The following EPAS1 variants were observed in gnomAD, a reference collection of about 807,000 sequenced individuals.
EPAS1 encodes endothelial PAS domain-containing protein 1.
EPAS1 carries 23 observed loss-of-function variants against 87.9 expected under a neutral mutation model. That is an observed-to-expected ratio of 0.26 (90% CI 0.19 to 0.37). The LOEUF is 0.37. Ranked by LOEUF, EPAS1 falls within the 10% of genes least tolerant of loss-of-function variation. The pLI is 1.00. For missense variants in EPAS1, 1,138 were observed against 1,120.7 expected (o/e 1.02, Z -0.22); for synonymous variants, 508 against 444.3 (o/e 1.14, Z -1.80).
intron 9 of EPAS1, 134 bp downstream of exon 9, chr2:46,376,887 C>A: frequency 1.1e-6 from 1 of 899,538 alleles, no homozygotes; most frequent in Non-Finnish European, 1.7e-6. Context: ...TTGTTAATCA[C>A]CTGTTAGAGG....
chr2:46,298,104 CGCGGATCAGCA>C (rs1415440195), intron 1 of EPAS1, among the ~76,000 whole-genome samples, 167 bp downstream of exon 1: 9 of 151,990 alleles, frequency 5.9e-5, no homozygotes, highest in African/African-American at 2.2e-4. Flanking sequence ...GGTTTGGGGG[CGCGGATCAGCA>C]GCTTTGCAGT....
At chr2:46,340,453 G>T (rs1251476115) in intron 1 of EPAS1, among the ~76,000 whole-genome samples, 1 of 152,108 alleles carries the variant, frequency 6.6e-6, no homozygotes, top group East Asian at 1.9e-4. Context: ...TCAGGGAAGT[G>T]GCAAGTGAAA....
chr2:46,298,080 G>C, intron 1 of EPAS1, 143 bp downstream of exon 1: 1 of 1,042,964 alleles, frequency 9.6e-7, no homozygotes, highest in African/African-American at 1.6e-5. Context: ...CTGTGAGGGG[G>C]AGAGCATGTG....
Position 46,300,278 on chromosome 2 carries a change from T to A in EPAS1, c.26+2341T>A, listed in dbSNP as rs1558579353. 6.6e-6 allele frequency among the ~76,000 whole-genome samples: 1 copy of A among 152,220 alleles called. No individual in the cohort carries two copies. Among genetic ancestry groups the A allele is most frequent in the Non-Finnish European group, 1.5e-5 (1 of 68,036 alleles). ...AAGGGCGATGTGACAGTGAGGGGGCTCTCTGCTGATGATTCTGCCCACTAG... is the reference window on the plus strand; with the variant it reads ...AAGGGCGATGTGACAGTGAGGGGGCACTCTGCTGATGATTCTGCCCACTAG... On this transcript the variant is annotated intron_variant, in intron 1 of 15. Transcript: ENST00000263734. This position sits in a 1 kb window ranked among gnomAD's most constrained non-coding sequence, Gnocchi z 4.1.
Position 46,346,919 on chromosome 2 carries a change from T to C in EPAS1, c.73T>C (p.Cys25Arg). 6.2e-7 allele frequency: 1 copy of C among 1,614,170 alleles called. No individual in the cohort carries two copies. The highest frequency in any genetic ancestry group is 8.5e-7 in the Non-Finnish European group (1 of 1,180,036). ...RKEKSRDAAR[C>R]RRSKETEVFY... ...GGAGAAGTCCCGGGATGCTGCGCGGTGCCGGCGGAGCAAGGAGACGGAGGT... is the reference window on the plus strand; with the variant it reads ...GGAGAAGTCCCGGGATGCTGCGCGGCGCCGGCGGAGCAAGGAGACGGAGGT... Residue 25 changes from cysteine (C) to arginine (R), a missense_variant, in exon 2 of 16, where the codon TGC becomes CGC. Around this residue, in one of 4 missense-constraint regions of EPAS1, gnomAD observed 351 missense variants for 417.1 expected, o/e 0.84. Transcript: ENST00000263734. This position sits in a 1 kb window ranked among gnomAD's most constrained non-coding sequence, Gnocchi z 4.0.
rs753697563 is a variant in EPAS1 at position 46,360,763 on chromosome 2, C to A, written c.573+7C>A. 5.0e-6 allele frequency: 8 copies of A among 1,613,696 alleles called. No individual in the cohort carries two copies. The highest frequency in any genetic ancestry group is 6.8e-6 in the Non-Finnish European group (8 of 1,179,780). On this transcript the variant is annotated splice_region_variant and intron_variant, in intron 5 of 15. Coordinates refer to ENST00000263734, the MANE Select transcript of EPAS1 (RefSeq NM_001430.5). This position sits in a 1 kb window ranked among gnomAD's most constrained non-coding sequence, Gnocchi z 4.5. ...CAAGTCAGCCACCTGGAAGGTAGGGCAACATCAGGCCTGGGTTGGAGTCCC... is the reference window on the plus strand; with the variant it reads ...CAAGTCAGCCACCTGGAAGGTAGGGAAACATCAGGCCTGGGTTGGAGTCCC...
Position 46,300,243 on chromosome 2 carries a change from A to C in EPAS1, c.26+2306A>C, listed in dbSNP as rs1682970503. ...GTAAGTGACTGCTGTAGCTTTTCTG[A>C]GTGCCTCACAAGGGCGATGTGACAG... On this transcript the variant is annotated intron_variant, in intron 1 of 15. Coordinates refer to ENST00000263734, the MANE Select transcript of EPAS1 (RefSeq NM_001430.5). The surrounding 1 kb of genome is among the most constrained non-coding windows in gnomAD (Gnocchi z 4.1). Among the ~76,000 whole-genome samples, 1 of 152,208 alleles carries C rather than the reference A, an allele frequency of 6.6e-6. No individual in the cohort carries two copies. Among genetic ancestry groups the C allele is most frequent in the African/African-American group, 2.4e-5 (1 of 41,442 alleles).
chr2:46,308,460 T>TTTGG (rs541300033), intron 1 of EPAS1, among the ~76,000 whole-genome samples: 1 of 109,228 alleles, frequency 9.2e-6, no homozygotes, highest in African/African-American at 3.1e-5. Context: ...TGCTTTTTTT[T>TTTGG]GGGGGGGGGG....
At chr2:46,361,136 C>T (rs1297039784) in intron 6 of EPAS1, 46 bp downstream of exon 6, 2 of 1,593,554 alleles carry the variant, frequency 1.3e-6, no homozygotes, top group African/African-American at 1.3e-5. Flanking sequence ...ATGGGTCTTA[C>T]CTGTGTGTGT....
chr2:46,382,851 A>T (rs1014881674), intron 15 of EPAS1, among the ~76,000 whole-genome samples: 4 of 152,174 alleles, frequency 2.6e-5, no homozygotes, highest in African/African-American at 9.7e-5. Flanking sequence ...TAGAATACTG[A>T]AGGAAAGAAT....
chr2:46,355,071 A>G (rs1192075961), intron 2 of EPAS1, among the ~76,000 whole-genome samples: 2 of 152,016 alleles, frequency 1.3e-5, no homozygotes, highest in East Asian at 1.9e-4. Flanking sequence ...AGCTCTTCCC[A>G]TCTACACTTT....
At chr2:46,372,387 C>G (rs1558607355) in intron 7 of EPAS1, among the ~76,000 whole-genome samples, 1 of 152,202 alleles carries the variant, frequency 6.6e-6, no homozygotes, top group Non-Finnish European at 1.5e-5. Context: ...TAACTGGAGG[C>G]TCAGGTTTGA....
intron 1 of EPAS1, among the ~76,000 whole-genome samples, chr2:46,344,236 T>G (rs752250024): frequency 6.6e-6 from 1 of 152,234 alleles, no homozygotes; most frequent in African/African-American, 2.4e-5. Flanking sequence ...TGTCAGAGCA[T>G]TGACTCCAGA....
At position 46,377,964 on chromosome 2, in the gene EPAS1, G is replaced by A. The variant is rs7597411; in HGVS notation, c.1320G>A (p.Thr440=). ...AILPPSQPWA[T]ELRSHSTQSE... is the part of the protein sequence containing the mutation. The stretch of plus-strand genomic sequence containing the variant: ...TGCCCCCGAGCCAGCCATGGGCCAC[G>A]GAGTTGAGGAGCCACAGCACCCAGA... The change falls in exon 10 of 16, where the codon ACG becomes ACA. Residue 440 remains threonine, a synonymous_variant. Transcript: ENST00000263734. 20 of 1,566,570 alleles carry A rather than the reference G, an allele frequency of 1.3e-5. No homozygotes were observed. In the African/African-American group the frequency reaches 1.9e-4, roughly 15 times the overall value.
chr2:46,306,298 T>C (rs575498172), intron 1 of EPAS1, among the ~76,000 whole-genome samples: 1 of 152,238 alleles, frequency 6.6e-6, no homozygotes, highest in East Asian at 1.9e-4. Flanking sequence ...CTGCCTCTGG[T>C]TAGGGGGCAG....
In EPAS1 at chr2:46,347,308, C is replaced by T. The variant is rs200229020; in HGVS notation, c.217+245C>T. Reference sequence around the variant, plus strand: ...AGGACCAGGGAAGAACATGGGCACCCAGAGGCTGTGGAGAACACGGGCTGG... The same window carrying T: ...AGGACCAGGGAAGAACATGGGCACCTAGAGGCTGTGGAGAACACGGGCTGG... On this transcript the variant is annotated intron_variant, in intron 2 of 15. Coordinates refer to ENST00000263734, the MANE Select transcript of EPAS1 (RefSeq NM_001430.5). The surrounding 1 kb of genome is among the most constrained non-coding windows in gnomAD (Gnocchi z 4.2). The T allele has an allele frequency of 1.7e-6, 1 of 578,042 alleles. No individual in the cohort carries two copies. Among genetic ancestry groups the T allele is most frequent in the East Asian group, 3.0e-5 (1 of 33,582 alleles). The allele number at this position is 578,042 out of a possible 1,614,324, so 35.8% of individuals were successfully genotyped here.
At position 46,300,084 on chromosome 2, in the gene EPAS1, A is replaced by G. The variant is rs576772883; in HGVS notation, c.26+2147A>G. Among the ~76,000 whole-genome samples, 9 of 150,046 alleles carry G rather than the reference A, an allele frequency of 6.0e-5. No individual in the cohort carries two copies. In the South Asian group the frequency reaches 1.5e-3, roughly 24 times the overall value. On this transcript the variant is annotated intron_variant, in intron 1 of 15. Transcript: ENST00000263734. The surrounding 1 kb of genome is among the most constrained non-coding windows in gnomAD (Gnocchi z 4.1). ...CTAGAGCCCCTTAAGGGGTTGTCCA[A>G]TTCCTATTGGGCTAATCAGTTTGAG... is the stretch of plus-strand genomic sequence containing the variant.
chr2:46,374,104 G>C (rs1260396690), intron 7 of EPAS1, among the ~76,000 whole-genome samples: 1 of 152,218 alleles, frequency 6.6e-6, no homozygotes, highest in East Asian at 1.9e-4. Context: ...TAAGTTACAG[G>C]AATTCTTGCA....
At chr2:46,323,189 G>A (rs75007727) in intron 1 of EPAS1, among the ~76,000 whole-genome samples, 2,644 of 152,260 alleles carry the variant, frequency 0.017, 67 homozygotes, top group South Asian at 0.093. Context: ...AAATCTAGAC[G>A]AAGTTAATGA....
Sources: allele counts gnomAD v4.1 joint callset (sites outside exome capture counted in the v4.1 genomes callset), GRCh38; gene constraint gnomAD v4.1.1; regional missense constraint gnomAD v4.1.1; non-coding constraint Gnocchi (gnomAD v3.1); transcripts MANE v1.5; gene names NCBI Gene and HGNC (gene_info 2026-07-23, HGNC 2026-07-21).